The following EIPR1 variants were observed in gnomAD, a reference collection of about 807,000 sequenced individuals.
The protein encoded by EIPR1 is EARP complex and GARP complex interacting protein 1.
EIPR1 carries 25 observed loss-of-function variants against 48.1 expected under a neutral mutation model. The observed-to-expected ratio is 0.52, with a 90% confidence interval of 0.38 to 0.73. The LOEUF (loss-of-function observed/expected upper bound fraction) is 0.73. Among genes scored for constraint, EIPR1 ranks in the 30% least tolerant of loss-of-function variants. The pLI is 0.00. For synonymous variants in EIPR1, 204 were observed against 201.9 expected (o/e 1.01, Z -0.09); for missense variants, 415 against 506.2 (o/e 0.82, Z 1.73).
intron 3 of EIPR1, among the ~76,000 whole-genome samples, chr2:3,263,772 A>ACTGG (rs1667406415): frequency 6.6e-6 from 1 of 152,200 alleles, no homozygotes; most frequent in Non-Finnish European, 1.5e-5. Context: ...CCCCAGTAAT[A>ACTGG]GCACACAGAG....
At chr2:3,210,097 G>A (rs1665392056) in intron 5 of EIPR1, among the ~76,000 whole-genome samples, 1 of 152,032 alleles carries the variant, frequency 6.6e-6, no homozygotes, top group South Asian at 2.1e-4. Context: ...CAGGGGATAT[G>A]CTGAGAGTGA....
At chr2:3,356,120 G>A (rs1670720761) in intron 1 of EIPR1, among the ~76,000 whole-genome samples, 1 of 152,222 alleles carries the variant, frequency 6.6e-6, no homozygotes, top group Admixed American at 6.5e-5. Flanking sequence ...GGGGAGCTCT[G>A]GAGCCGGACG....
At chr2:3,346,143 C>G (rs762736316) in intron 2 of EIPR1, among the ~76,000 whole-genome samples, 2 of 152,274 alleles carry the variant, frequency 1.3e-5, no homozygotes, top group African/African-American at 2.4e-5. Context: ...GGGAGGGCCA[C>G]CACTCGGGAG....
chr2:3,254,707 C>T (rs1439083203), intron 4 of EIPR1, among the ~76,000 whole-genome samples: 1 of 152,168 alleles, frequency 6.6e-6, no homozygotes, highest in Non-Finnish European at 1.5e-5. Flanking sequence ...GCCTTGGAGG[C>T]GGAAGGGAGG....
intron 3 of EIPR1, among the ~76,000 whole-genome samples, chr2:3,263,334 C>T (rs1667391342): frequency 6.6e-6 from 1 of 152,160 alleles, no homozygotes; most frequent in South Asian, 2.1e-4. Context: ...GAGACCCACC[C>T]ACAGTATTGC....
chr2:3,274,188 GA>G, intron 3 of EIPR1: 2 of 1,331,008 alleles, frequency 1.5e-6, no homozygotes, highest in Non-Finnish European at 2.0e-6. Context: ...GGGTGCACAG[GA>G]AAAACAGAAA....
At chr2:3,322,417 G>A (rs1018351553) in intron 3 of EIPR1, among the ~76,000 whole-genome samples, 2 of 152,242 alleles carry the variant, frequency 1.3e-5, no homozygotes, top group African/African-American at 2.4e-5. Flanking sequence ...GACAATGAAT[G>A]TCTAGAGCAG....
At position 3,313,954 on chromosome 2, in the gene EIPR1, G is replaced by A. The variant is rs534317356; in HGVS notation, c.259+24063C>T. Among the ~76,000 whole-genome samples the A allele has an allele frequency of 3.9e-5, 6 of 152,258 alleles. No individual in the cohort carries two copies. The South Asian group carries it at 1.2e-3, about 32-fold the overall frequency. ...CAGCAGCAGCCGGGGCTGTCCCCGAGCTGCGGGCCTGGGTCAATGGCCCTG... is the reference window on the plus strand; with the variant it reads ...CAGCAGCAGCCGGGGCTGTCCCCGAACTGCGGGCCTGGGTCAATGGCCCTG... On this transcript the variant is annotated intron_variant, in intron 3 of 8. Transcript: ENST00000382125.
In EIPR1 at chr2:3,286,570, C is replaced by A. The variant is rs62121496; in HGVS notation, c.260-29115G>T. ...GTGTCTACCTTGGTGACTCTGGAAGCGTTTTCATAAGCACTTGTCATATGT... is the reference window on the plus strand; with the variant it reads ...GTGTCTACCTTGGTGACTCTGGAAGAGTTTTCATAAGCACTTGTCATATGT... On this transcript the variant is annotated intron_variant, in intron 3 of 8. Coordinates refer to ENST00000382125, the MANE Select transcript of EIPR1 (RefSeq NM_003310.5). The surrounding 1 kb of genome is among the most constrained non-coding windows in gnomAD (Gnocchi z 4.2). Among the ~76,000 whole-genome samples the A allele has an allele frequency of 0.23, 35,006 of 152,144 alleles. 4,092 individuals carry two copies. Among genetic ancestry groups the A allele is most frequent in the Non-Finnish European group, 0.25 (17,021 of 67,974 alleles).
intron 5 of EIPR1, among the ~76,000 whole-genome samples, chr2:3,198,590 G>C (rs934254068): frequency 6.6e-6 from 1 of 152,078 alleles, no homozygotes; most frequent in African/African-American, 2.4e-5. Context: ...TCCCTGTGTC[G>C]GTCGGTCTGA....
chr2:3,225,098 G>A (rs772977342), intron 4 of EIPR1, among the ~76,000 whole-genome samples: 2 of 152,224 alleles, frequency 1.3e-5, no homozygotes, highest in African/African-American at 2.4e-5. Context: ...ACTATCTATA[G>A]GTCCAATCAA....
At chr2:3,342,456 T>C (rs577003979) in intron 2 of EIPR1, among the ~76,000 whole-genome samples, 48 of 152,364 alleles carry the variant, frequency 3.2e-4, no homozygotes, top group Non-Finnish European at 4.1e-4. Context: ...TCCCCTGAAA[T>C]GAACCAGGGC....
intron 2 of EIPR1, among the ~76,000 whole-genome samples, chr2:3,351,830 T>G (rs982007996): frequency 1.3e-5 from 2 of 152,246 alleles, no homozygotes; most frequent in Non-Finnish European, 2.9e-5. Context: ...CAGTTACCTG[T>G]GGTCAAGTGT....
rs1214394853 is a variant in EIPR1 at position 3,199,060 on chromosome 2, G to GCC, written c.517-2044_517-2043insGG. On this transcript the variant is annotated intron_variant, in intron 5 of 8. Transcript: ENST00000382125. Reference sequence around the variant, plus strand: ...CACCCCCAGAGTGGCCATTTTAGAGGGCCCCCCCCCCGCCCCGGGAATGCA... The same window carrying GCC: ...CACCCCCAGAGTGGCCATTTTAGAGGCCGCCCCCCCCCCGCCCCGGGAATGCA... Among the ~76,000 whole-genome samples the GCC allele has an allele frequency of 1.1e-3, 25 of 23,332 alleles. 1 individual carries two copies. The highest frequency in any genetic ancestry group is 2.1e-3 in the African/African-American group (12 of 5,826). The allele number at this position is 23,332 out of a possible 152,430, so 15.3% of individuals were successfully genotyped here.
chr2:3,375,531 A>G (rs1357115773), intron 1 of EIPR1, among the ~76,000 whole-genome samples: 1 of 152,186 alleles, frequency 6.6e-6, no homozygotes, highest in Non-Finnish European at 1.5e-5. Context: ...CAGAGTATGC[A>G]TCTTCAGGTA....
intron 2 of EIPR1, among the ~76,000 whole-genome samples, chr2:3,338,843 C>A (rs4854120): frequency 0.16 from 24,001 of 152,182 alleles, 2,307 homozygotes; most frequent in Non-Finnish European, 0.21. Context: ...AATGATTTCA[C>A]ATTTAATTTC....
intron 3 of EIPR1, among the ~76,000 whole-genome samples, chr2:3,329,870 G>A (rs62119484): frequency 0.17 from 26,119 of 149,384 alleles, 2,397 homozygotes; most frequent in Non-Finnish European, 0.21. Context: ...TAATGACCTC[G>A]GGGCACCAGC....
chr2:3,332,734 T>C (rs773569767), intron 3 of EIPR1, among the ~76,000 whole-genome samples: 16 of 152,204 alleles, frequency 1.1e-4, no homozygotes, highest in Non-Finnish European at 1.8e-4. Flanking sequence ...CTTTTTTAAA[T>C]CTTCATCATC....
At chr2:3,224,742 C>A (rs1666004821) in intron 4 of EIPR1, among the ~76,000 whole-genome samples, 1 of 152,236 alleles carries the variant, frequency 6.6e-6, no homozygotes, top group African/African-American at 2.4e-5. Context: ...TCAGTAACAG[C>A]ACTGCACCTA....
Sources: gnomAD v4.1 joint callset for allele counts (sites outside exome capture counted in the v4.1 genomes callset) on GRCh38, gnomAD v4.1.1 for gene constraint, Gnocchi (gnomAD v3.1) non-coding constraint, MANE v1.5 for transcripts, NCBI Gene and HGNC (gene_info 2026-07-23, HGNC 2026-07-21) for gene names.